Variants in PDZRN3 observed in about 807,000 individuals in gnomAD.
The protein encoded by PDZRN3 is PDZ domain containing ring finger 3, also known as E3 ubiquitin-protein ligase PDZRN3.
Under a neutral mutation model 85.7 loss-of-function variants are expected in PDZRN3, and 38 were observed. The observed-to-expected ratio is 0.44, with a 90% CI of 0.34 to 0.58. The LOEUF (loss-of-function observed/expected upper bound fraction) is 0.58, where lower values mean the gene tolerates loss of function less well. Among genes scored for constraint, PDZRN3 ranks in the 20% least tolerant of loss-of-function variants. The probability of loss-of-function intolerance (pLI) is 0.01; values close to 1 mark genes in which losing one functional copy is unlikely to be tolerated. For synonymous variants in PDZRN3, 759 were observed against 638.0 expected (o/e 1.19, Z -2.86); for missense variants, 1,629 against 1,506.4 (o/e 1.08, Z -1.35).
In PDZRN3 at chr3:73,624,393, C is replaced by G; in HGVS notation, c.433G>C (p.Gly145Arg). 1 of 1,308,576 alleles carries G rather than the reference C, an allele frequency of 7.6e-7. No individual in the cohort carries two copies. Among genetic ancestry groups the G allele is most frequent in the Non-Finnish European group, 9.7e-7 (1 of 1,034,128 alleles). The allele number at this position is 1,308,576 out of a possible 1,614,324, so 81.1% of individuals were successfully genotyped here. The change falls in exon 1 of 10, where the codon GGC (glycine) becomes CGC (arginine). Residue 145 changes from glycine to arginine, a missense_variant. Coordinates refer to ENST00000263666, the MANE Select transcript of PDZRN3 (RefSeq NM_015009.3). ...DARPVGRCQE[G>R]CGLPLTHGEQ... ...CCGTGCGTCAAGGGTAGCCCGCAGC[C>G]CTCCTGGCAGCGGCCCACTGGCCGC...
chr3:73,388,055 C>G lies in PDZRN3; in HGVS notation c.1431G>C (p.Glu477Asp). The G allele has an allele frequency of 7.3e-7, 1 of 1,374,572 alleles. No homozygotes were observed. The highest frequency in any genetic ancestry group is 1.0e-6 in the Non-Finnish European group (1 of 1,001,762). The allele number at this position is 1,374,572 out of a possible 1,614,324, so 85.1% of individuals were successfully genotyped here. Residue 477 changes from glutamate (E) to aspartate (D), a missense_variant, in exon 8 of 10, where the codon GAG becomes GAC. Coordinates refer to ENST00000263666, the MANE Select transcript of PDZRN3 (RefSeq NM_015009.3). ...CCACAGCCTCTTCACGGTTCTGCAC[C>G]TCTATCCCATTAATCTTTTAAAAAA... ...GDRIIQINGI[E>D]VQNREEAVAL...
Position 73,515,324 on chromosome 3 carries a change from C to T in PDZRN3, c.918+87030G>A, listed in dbSNP as rs184722503. 2.1e-4 allele frequency among the ~76,000 whole-genome samples: 32 copies of T among 152,058 alleles called. No individual in the cohort carries two copies. The East Asian group carries it at 5.0e-3, about 24-fold the overall frequency. On this transcript the variant is annotated intron_variant, in intron 3 of 9. Coordinates refer to ENST00000263666, the MANE Select transcript of PDZRN3 (RefSeq NM_015009.3). ...CGAAGTAGCTGGGACTACAGGCACC[C>T]GCTACCATGCCCAGCTAATTTTTTT...
chr3:73,487,621 C>T (rs1033888518), intron 3 of PDZRN3, among the ~76,000 whole-genome samples: 1 of 152,184 alleles, frequency 6.6e-6, no homozygotes, highest in Non-Finnish European at 1.5e-5. Flanking sequence ...CTAAAACTTA[C>T]TTTCTTTTTT....
intron 3 of PDZRN3, among the ~76,000 whole-genome samples, chr3:73,525,298 T>C (rs190233733): frequency 1.3e-5 from 2 of 152,254 alleles, no homozygotes; most frequent in African/African-American, 4.8e-5. Flanking sequence ...TATGTATACG[T>C]GTGTGTATAT....
At chr3:73,607,544 G>A (rs1019512457) in intron 2 of PDZRN3, among the ~76,000 whole-genome samples, 5 of 152,130 alleles carry the variant, frequency 3.3e-5, no homozygotes, top group African/African-American at 4.8e-5. Flanking sequence ...TGAGGGCAGG[G>A]CACACACTAT....
chr3:73,555,744 A>G (rs1270380341), intron 3 of PDZRN3, among the ~76,000 whole-genome samples: 1 of 152,222 alleles, frequency 6.6e-6, no homozygotes, highest in Admixed American at 6.5e-5. Flanking sequence ...AACTTTGGAG[A>G]GGTGAAAGGA....
intron 3 of PDZRN3, among the ~76,000 whole-genome samples, chr3:73,423,431 C>T (rs1702241273): frequency 6.6e-6 from 1 of 152,190 alleles, no homozygotes; most frequent in Admixed American, 6.5e-5. Context: ...AGATGTCTAA[C>T]AAATTACCTC....
At chr3:73,403,709 A>G (rs1295498990) in intron 4 of PDZRN3, among the ~76,000 whole-genome samples, 3 of 152,190 alleles carry the variant, frequency 2.0e-5, no homozygotes, top group Non-Finnish European at 2.9e-5. Context: ...GTGCGGGCTT[A>G]TTACATGGAT....
chr3:73,549,134 C>A (rs1169377774), intron 3 of PDZRN3, among the ~76,000 whole-genome samples: 1 of 152,214 alleles, frequency 6.6e-6, no homozygotes, highest in South Asian at 2.1e-4. Flanking sequence ...AGAGGCTGCA[C>A]TTGAACGTTT....
chr3:73,602,307 G>T, intron 3 of PDZRN3, 47 bp downstream of exon 3: 1 of 1,005,168 alleles, frequency 9.9e-7, no homozygotes, highest in Non-Finnish European at 1.6e-6. Flanking sequence ...AGACGAAGAT[G>T]GGATGGCATT....
intron 3 of PDZRN3, among the ~76,000 whole-genome samples, chr3:73,475,416 A>C (rs1415931287): frequency 6.6e-6 from 1 of 152,174 alleles, no homozygotes; most frequent in Non-Finnish European, 1.5e-5. Context: ...GAAATGAATA[A>C]TTCCTCCTCA....
intron 3 of PDZRN3, among the ~76,000 whole-genome samples, chr3:73,596,004 A>G (rs1452169638): frequency 2.6e-5 from 4 of 152,170 alleles, no homozygotes; most frequent in Non-Finnish European, 5.9e-5. Flanking sequence ...CCACTAAATG[A>G]AGCTAGAGGT....
Position 73,431,446 on chromosome 3 carries a change from C to T in PDZRN3, c.919-27051G>A, listed in dbSNP as rs149180366. Among the ~76,000 whole-genome samples, 228 of 152,264 alleles carry T rather than the reference C, an allele frequency of 1.5e-3. 1 individual carries two copies. Among genetic ancestry groups the T allele is most frequent in the African/African-American group, 5.1e-3 (210 of 41,534 alleles). On this transcript the variant is annotated intron_variant, in intron 3 of 9. Coordinates refer to ENST00000263666, the MANE Select transcript of PDZRN3 (RefSeq NM_015009.3). ...TTTGATCCTCTTTGTGCTGCTGTTA[C>T]GAGGGCTTACTGAAGCCAGACGCAC...
rs536706618 is a variant in PDZRN3, at chr3:73,579,772, G to A, written c.918+22582C>T. 4.3e-4 allele frequency among the ~76,000 whole-genome samples: 66 copies of A among 152,222 alleles called. 1 individual carries two copies. The highest frequency in any genetic ancestry group is 8.2e-4 in the Non-Finnish European group (56 of 68,018). ...ACTGAGAGGTTATTTTGTAAATCACGGCACCACTGTTGAGGTTTGCTCCAT... is the reference window on the plus strand; with the variant it reads ...ACTGAGAGGTTATTTTGTAAATCACAGCACCACTGTTGAGGTTTGCTCCAT... On this transcript the variant is annotated intron_variant, in intron 3 of 9. Transcript: ENST00000263666.
intron 1 of PDZRN3, among the ~76,000 whole-genome samples, chr3:73,609,216 A>G (rs58804109): frequency 0.061 from 9,295 of 152,208 alleles, 940 homozygotes; most frequent in African/African-American, 0.21. Flanking sequence ...AAAACAAAAA[A>G]TCCTGAATCT....
At chr3:73,387,566 T>G (rs1701422806) in intron 8 of PDZRN3, among the ~76,000 whole-genome samples, 1 of 152,234 alleles carries the variant, frequency 6.6e-6, no homozygotes, top group East Asian at 1.9e-4. Flanking sequence ...ATTCAATGTT[T>G]CTTTTAATTT....
intron 3 of PDZRN3, among the ~76,000 whole-genome samples, chr3:73,533,185 ATC>A (rs1391426688): frequency 2.0e-5 from 3 of 152,220 alleles, no homozygotes; most frequent in Non-Finnish European, 2.9e-5. Flanking sequence ...TCATCTAGCA[ATC>A]TCTCTTAATT....
intron 1 of PDZRN3, among the ~76,000 whole-genome samples, chr3:73,619,621 G>A (rs1173542555): frequency 6.6e-6 from 1 of 152,184 alleles, no homozygotes; most frequent in East Asian, 1.9e-4. Context: ...AGAAGAGCAA[G>A]TGCAAAGGCC....
intron 3 of PDZRN3, among the ~76,000 whole-genome samples, chr3:73,452,941 CAT>C (rs1702896379): frequency 2.0e-5 from 3 of 151,352 alleles, no homozygotes; most frequent in African/African-American, 4.9e-5. Flanking sequence ...GTCAAACACA[CAT>C]GTTCTCCTGT....
Sources: allele counts gnomAD v4.1 joint callset (sites outside exome capture counted in the v4.1 genomes callset), GRCh38; gene constraint gnomAD v4.1.1; transcripts MANE v1.5; gene names NCBI Gene and HGNC (gene_info 2026-07-23, HGNC 2026-07-21).